Variants in ITSN1 observed in about 807,000 individuals in gnomAD.
ITSN1 encodes intersectin 1.
In ITSN1, 58 loss-of-function variants were observed where a neutral mutation model predicts 239.8. That is an observed-to-expected ratio of 0.24 (90% CI 0.20 to 0.30). ITSN1 has a LOEUF of 0.30. ITSN1 is among the 10% of genes least tolerant of loss of function. The pLI, the probability that ITSN1 is intolerant of heterozygous loss-of-function variation, is 1.00. For missense variants in ITSN1, 1,558 were observed against 2,103.3 expected (o/e 0.74, Z 5.07); for synonymous variants, 780 against 770.8 (o/e 1.01, Z -0.20).
At chr21:33,851,969 G>C (rs1978401335) in intron 29 of ITSN1, among the ~76,000 whole-genome samples, 1 of 151,150 alleles carries the variant, frequency 6.6e-6, no homozygotes, top group Non-Finnish European at 1.5e-5. Context: ...ATTTTTTGTA[G>C]ATATGGGTGT....
Position 33,648,566 on chromosome 21 carries a change from G to A in ITSN1, c.-33+5853G>A, listed in dbSNP as rs918843181. Among the ~76,000 whole-genome samples the A allele has an allele frequency of 2.0e-5, 3 of 152,270 alleles. No individual in the cohort carries two copies. In the South Asian group the frequency reaches 6.2e-4, roughly 32 times the overall value. On this transcript the variant is annotated intron_variant, in intron 1 of 39. Transcript: ENST00000381318. ...AAGTTAGCTCAGAAATTAGCTTTGG[G>A]ACCGGTGCTGTGGGTCACTCCTGTA...
At chr21:33,792,996 T>C (rs1014681963) in intron 16 of ITSN1, among the ~76,000 whole-genome samples, 2 of 151,272 alleles carry the variant, frequency 1.3e-5, no homozygotes, top group Non-Finnish European at 2.9e-5. Context: ...CCCAGACCCC[T>C]ATCTCCAGTT....
At chr21:33,850,482 A>C (rs1430667602) in intron 29 of ITSN1, among the ~76,000 whole-genome samples, 1 of 152,144 alleles carries the variant, frequency 6.6e-6, no homozygotes, top group Non-Finnish European at 1.5e-5. Flanking sequence ...AGGACTGATA[A>C]CCGCTTGGAG....
intron 19 of ITSN1, 68 bp downstream of exon 19, chr21:33,799,997 T>C: frequency 6.6e-7 from 1 of 1,512,856 alleles, no homozygotes; most frequent in South Asian, 1.3e-5. Flanking sequence ...TTTTTCACTT[T>C]ATTCAACAAT....
At chr21:33,849,174 G>A (rs2075080023) in intron 29 of ITSN1, among the ~76,000 whole-genome samples, 1 of 152,078 alleles carries the variant, frequency 6.6e-6, no homozygotes, top group South Asian at 2.1e-4. Context: ...GGAGGCGGAG[G>A]TTGCAGTGAG....
chr21:33,690,492 C>T (rs1164702046), intron 1 of ITSN1, among the ~76,000 whole-genome samples: 4 of 149,808 alleles, frequency 2.7e-5, no homozygotes, highest in East Asian at 2.0e-4. Flanking sequence ...CCCAGCTACT[C>T]GAGAGGCTGA....
At chr21:33,839,549 C>T (rs1160498155) in intron 29 of ITSN1, among the ~76,000 whole-genome samples, 1 of 152,218 alleles carries the variant, frequency 6.6e-6, no homozygotes, top group African/African-American at 2.4e-5. Context: ...CCGTGTGGAG[C>T]AGTGGTTGAG....
chr21:33,669,925 G>T (rs899042413), intron 1 of ITSN1, among the ~76,000 whole-genome samples: 1 of 151,840 alleles, frequency 6.6e-6, no homozygotes, highest in African/African-American at 2.4e-5. Context: ...TGATTTAATT[G>T]TGCACTATTG....
intron 1 of ITSN1, among the ~76,000 whole-genome samples, chr21:33,715,271 T>A (rs2065068761): frequency 4.2e-3 from 1 of 240 alleles, no homozygotes; most frequent in Non-Finnish European, 9.6e-3. Flanking sequence ...GTCTAGGAAA[T>A]CTAAAGAGAT....
intron 36 of ITSN1, 31 bp downstream of exon 36, chr21:33,883,702 C>A (rs1569342806): frequency 6.2e-7 from 1 of 1,608,416 alleles, no homozygotes; most frequent in Non-Finnish European, 8.5e-7. Context: ...AGCATGGGCC[C>A]CAGGGCTCCA....
At chr21:33,693,413 A>G (rs568137831) in intron 1 of ITSN1, among the ~76,000 whole-genome samples, 12 of 151,654 alleles carry the variant, frequency 7.9e-5, no homozygotes, top group East Asian at 1.9e-4. Flanking sequence ...CTGGAGTGCA[A>G]TGGTGTGATC....
chr21:33,693,833 G>A (rs1318803435), intron 1 of ITSN1, among the ~76,000 whole-genome samples: 1 of 152,180 alleles, frequency 6.6e-6, no homozygotes, highest in African/African-American at 2.4e-5. Context: ...TATCTTATCT[G>A]ATACAATGTG....
intron 29 of ITSN1, chr21:33,837,683 T>A (rs1280166282): frequency 1.0e-6 from 1 of 985,802 alleles, no homozygotes; most frequent in African/African-American, 1.7e-5. Flanking sequence ...ATTAGTTCTT[T>A]CCATGGCAAA....
rs926933061 is a variant in ITSN1, at chr21:33,887,211, C to T, written c.5017+751C>T. ...GCATGCACCTGTAGTTCCAGCTACT[C>T]GGGAGGCTGAGGCAGGAGGATTGCT... On this transcript the variant is annotated intron_variant, in intron 39 of 39. Coordinates refer to ENST00000381318, the MANE Select transcript of ITSN1 (RefSeq NM_003024.3). 8.0e-5 allele frequency among the ~76,000 whole-genome samples: 12 copies of T among 150,848 alleles called. No individual in the cohort carries two copies. The South Asian group carries it at 1.5e-3, about 19-fold the overall frequency.
chr21:33,833,767 G>C (rs1241207673), intron 27 of ITSN1, among the ~76,000 whole-genome samples: 1 of 152,004 alleles, frequency 6.6e-6, no homozygotes, highest in Non-Finnish European at 1.5e-5. Flanking sequence ...AGCTACTCAG[G>C]AGGCTGAGGC....
chr21:33,795,381 G>A (rs749494635), intron 17 of ITSN1, among the ~76,000 whole-genome samples: 20 of 152,120 alleles, frequency 1.3e-4, no homozygotes, highest in Non-Finnish European at 2.4e-4. Context: ...CCCGGGAGGC[G>A]GAGGTTGCAG....
chr21:33,885,471 T>C lies in ITSN1; in HGVS notation c.4792T>C (p.Leu1598=), dbSNP rs1391103034. The C allele has an allele frequency of 6.2e-7, 1 of 1,614,002 alleles. No individual in the cohort carries two copies. The highest frequency in any genetic ancestry group is 2.2e-5 in the East Asian group (1 of 44,882). Residue 1598 remains leucine, a synonymous_variant, in exon 38 of 40, where the codon TTG becomes CTG. Coordinates refer to ENST00000381318, the MANE Select transcript of ITSN1 (RefSeq NM_003024.3). ...RSQRATGIGR[L]MVNVVEGIEL... ...CCAAAGGGCAACAGGCATTGGAAGG[T>C]TGATGGTGAACGTGGTTGAAGGCAT...
At chr21:33,812,972 G>A (rs1250458310) in intron 21 of ITSN1, among the ~76,000 whole-genome samples, 1 of 152,056 alleles carries the variant, frequency 6.6e-6, no homozygotes, top group African/African-American at 2.4e-5. Context: ...AGCTCCATAG[G>A]TGGCATGTAG....
At chr21:33,786,312 G>C (rs1261910097) in intron 16 of ITSN1, among the ~76,000 whole-genome samples, 1 of 152,134 alleles carries the variant, frequency 6.6e-6, no homozygotes, top group Non-Finnish European at 1.5e-5. Context: ...GAAATCGGTA[G>C]TCTTCTCAGA....
Sources: gnomAD v4.1 joint callset for allele counts (sites outside exome capture counted in the v4.1 genomes callset) on GRCh38, gnomAD v4.1.1 for gene constraint, MANE v1.5 for transcripts, NCBI Gene and HGNC (gene_info 2026-07-23, HGNC 2026-07-21) for gene names.